PLB1: variants seen among roughly 807,000 people sequenced by gnomAD.
PLB1 encodes phospholipase B1.
A neutral mutation model predicts 227.4 loss-of-function variants in PLB1; 242 were observed. The ratio of observed to expected loss-of-function variants is 1.06; its 90% CI spans 0.96 to 1.18. PLB1 has a LOEUF of 1.18. Ranked by LOEUF, PLB1 falls within the 50% of genes most tolerant of loss-of-function variation. PLB1 has a pLI of 0.00. For missense variants in PLB1, 1,858 were observed against 1,816.3 expected, an observed-to-expected ratio of 1.02 and a Z score of -0.42; for synonymous variants, 757 against 682.2, an observed-to-expected ratio of 1.11 and a Z score of -1.71.
intron 31 of PLB1, 149 bp downstream of exon 31, chr2:28,591,909 C>A (rs941318156): frequency 2.6e-6 from 2 of 768,532 alleles, no homozygotes; most frequent in African/African-American, 3.5e-5. Context: ...GGGATGAGTC[C>A]CTGTTTCGCA....
intron 56 of PLB1, among the ~76,000 whole-genome samples, chr2:28,637,526 C>A (rs949762405): frequency 3.9e-5 from 6 of 152,098 alleles, no homozygotes; most frequent in African/African-American, 1.4e-4. Flanking sequence ...CCAGTCACTC[C>A]CCTGCTTTCA....
intron 9 of PLB1, 102 bp downstream of exon 9, chr2:28,532,296 CTA>C: frequency 1.1e-5 from 9 of 792,238 alleles, no homozygotes; most frequent in Non-Finnish European, 1.8e-5. Context: ...CAGGATGGGG[CTA>C]ATGCCACCTA....
chr2:28,571,064 A>G (rs1206926907), intron 20 of PLB1, among the ~76,000 whole-genome samples: 3 of 152,248 alleles, frequency 2.0e-5, no homozygotes, highest in Non-Finnish European at 4.4e-5. Context: ...TAAAGATGAG[A>G]TGATATTATA....
intron 17 of PLB1, among the ~76,000 whole-genome samples, chr2:28,560,512 C>A (rs1224693996): frequency 1.3e-5 from 2 of 152,064 alleles, no homozygotes; most frequent in East Asian, 3.9e-4. Context: ...GTTAGCCAGG[C>A]ATAAAAGCTT....
intron 56 of PLB1, among the ~76,000 whole-genome samples, chr2:28,633,639 A>G (rs1218280953): frequency 6.6e-6 from 1 of 152,206 alleles, no homozygotes; most frequent in Non-Finnish European, 1.5e-5. Context: ...AAGGGACCTT[A>G]TGAAATGAAC....
At chr2:28,602,037 T>G in intron 38 of PLB1, 73 bp downstream of exon 38, 1 of 1,372,150 alleles carries the variant, frequency 7.3e-7, no homozygotes, top group Non-Finnish European at 1.0e-6. Context: ...GGGGAAAGAA[T>G]GAGAGAAGAA....
At chr2:28,529,548 A>G in intron 7 of PLB1, 141 bp downstream of exon 7, 2 of 936,544 alleles carry the variant, frequency 2.1e-6, no homozygotes, top group African/African-American at 1.7e-5. Context: ...TGCCCCCTCA[A>G]GCTGATTTCA....
chr2:28,609,781 G>T (rs912641666), intron 43 of PLB1, among the ~76,000 whole-genome samples: 1 of 152,160 alleles, frequency 6.6e-6, no homozygotes, highest in African/African-American at 2.4e-5. Flanking sequence ...AAGCTCTACA[G>T]GCATGAAATG....
At chr2:28,554,489 C>CTTTTTTTTTT (rs536476788) in intron 17 of PLB1, among the ~76,000 whole-genome samples, 892 of 85,340 alleles carry the variant, frequency 0.01, 86 homozygotes, top group Non-Finnish European at 0.014. Flanking sequence ...CCACACCTGC[C>CTTTTTTTTTT]TTTTTTTTTT....
intron 26 of PLB1, among the ~76,000 whole-genome samples, chr2:28,586,922 A>AT (rs1680998996): frequency 6.6e-6 from 1 of 151,674 alleles, no homozygotes; most frequent in African/African-American, 2.4e-5. Flanking sequence ...TACTTTTTGT[A>AT]TTTTTTAGTA....
chr2:28,637,454 C>T (rs972298546), intron 56 of PLB1, among the ~76,000 whole-genome samples: 1 of 152,068 alleles, frequency 6.6e-6, no homozygotes, highest in African/African-American at 2.4e-5. Flanking sequence ...GGTTTATGAA[C>T]CGCTGCCTTA....
intron 56 of PLB1, among the ~76,000 whole-genome samples, chr2:28,636,572 C>T (rs2148348711): frequency 6.6e-6 from 1 of 152,246 alleles, no homozygotes; most frequent in African/African-American, 2.4e-5. Context: ...AAACTAGAAA[C>T]TCCCCAAATG....
Position 28,589,712 on chromosome 2 carries a change from G to A in PLB1, c.1958G>A (p.Cys653Tyr). ...LPDNSFFAPD[C>Y]FHFSSKSHSR... The stretch of plus-strand genomic sequence containing the variant: ...GACAACTCTTTCTTCGCTCCTGACT[G>A]TTTCCACTTCAGCAGCAAGTCTCAC... Residue 653 changes from cysteine to tyrosine, a missense_variant, in exon 28 of 58, where the codon TGT becomes TAT. Cys to Tyr is a radical substitution (Grantham distance 194). Transcript: ENST00000327757. The A allele has an allele frequency of 6.2e-7, 1 of 1,614,068 alleles. No homozygotes were observed. Among genetic ancestry groups the A allele is most frequent in the Non-Finnish European group, 8.5e-7 (1 of 1,180,034 alleles).
At chr2:28,595,951 TAAC>T (rs1200724958) in intron 33 of PLB1, 4 of 152,182 alleles carry the variant, frequency 2.6e-5, no homozygotes, top group African/African-American at 9.7e-5. Flanking sequence ...TTGGCCAGCT[TAAC>T]AATGTGCTGG....
chr2:28,617,650 C>G, intron 44 of PLB1, 77 bp from the exon 45 acceptor site: 1 of 1,418,968 alleles, frequency 7.0e-7, no homozygotes. Context: ...AATCCCTTAG[C>G]TGGTTCTTCT....
intron 20 of PLB1, among the ~76,000 whole-genome samples, chr2:28,567,411 G>A (rs1419010283): frequency 6.6e-6 from 1 of 151,790 alleles, no homozygotes; most frequent in African/African-American, 2.4e-5. Context: ...AGCCATTTTG[G>A]GACTCAGCAC....
chr2:28,514,746 A>G (rs4233725), intron 1 of PLB1, among the ~76,000 whole-genome samples: 146,736 of 152,336 alleles, frequency 0.96, 70,766 homozygotes, highest in Middle Eastern at 1. Context: ...TAGCTTCTTG[A>G]TTACAAGCAT....
chr2:28,574,451 C>T lies in PLB1; in HGVS notation c.1433+1146C>T, dbSNP rs192264895. 3.3e-3 allele frequency among the ~76,000 whole-genome samples: 463 copies of T among 142,046 alleles called. 3 individuals carry two copies. The highest frequency in any genetic ancestry group is 0.012 in the African/African-American group (446 of 37,828). 93.2% of individuals were successfully genotyped at this position (142,046 alleles called of 152,430 possible). A position where few individuals can be genotyped will look rare whatever the true frequency, so the allele number is the denominator to read the frequency against. On this transcript the variant is annotated intron_variant, in intron 21 of 57. Coordinates refer to ENST00000327757, the MANE Select transcript of PLB1 (RefSeq NM_153021.5). The stretch of plus-strand genomic sequence containing the variant: ...AGGCTGGAGTACAGTAGTGTGATCT[C>T]AGCTCACTGCAACCTCCACCTCCCA...
intron 56 of PLB1, among the ~76,000 whole-genome samples, chr2:28,635,722 A>T (rs1483982107): frequency 6.6e-6 from 1 of 152,250 alleles, no homozygotes; most frequent in African/African-American, 2.4e-5. Flanking sequence ...CAGAAGCTCC[A>T]GCAGCACCAG....
Sources: gnomAD v4.1 joint callset for allele counts (sites outside exome capture counted in the v4.1 genomes callset) on GRCh38, gnomAD v4.1.1 for gene constraint, MANE v1.5 for transcripts, NCBI Gene and HGNC (gene_info 2026-07-23, HGNC 2026-07-21) for gene names.